CYTH3: variants seen among roughly 807,000 people sequenced by gnomAD.
CYTH3 encodes cytohesin 3.
CYTH3 carries 23 observed loss-of-function variants against 55.1 expected under a neutral mutation model. The ratio of observed to expected loss-of-function variants is 0.42; its 90% CI spans 0.30 to 0.59. The LOEUF (loss-of-function observed/expected upper bound fraction) is 0.59. Among genes scored for constraint, CYTH3 ranks in the 20% least tolerant of loss-of-function variants. The probability of loss-of-function intolerance (pLI) is 0.20; values close to 1 mark genes in which losing one functional copy is unlikely to be tolerated. For missense variants in CYTH3, 413 were observed against 524.8 expected, an observed-to-expected ratio of 0.79 and a Z score of 2.08; for synonymous variants, 249 against 194.9, an observed-to-expected ratio of 1.28 and a Z score of -2.31.
intron 1 of CYTH3, among the ~76,000 whole-genome samples, chr7:6,196,422 T>C (rs993896660): frequency 3.3e-5 from 5 of 151,724 alleles, no homozygotes; most frequent in Admixed American, 6.6e-5. Context: ...CTATTACTCT[T>C]ACGCATCTGA....
chr7:6,254,257 G>A (rs1342460469), intron 1 of CYTH3, among the ~76,000 whole-genome samples: 1 of 151,990 alleles, frequency 6.6e-6, no homozygotes, highest in Non-Finnish European at 1.5e-5. Flanking sequence ...CTTAATTAGA[G>A]CCTAGATAGG....
chr7:6,187,178 G>A, intron 3 of CYTH3, 62 bp from the exon 4 acceptor site: 2 of 1,528,056 alleles, frequency 1.3e-6, no homozygotes, highest in South Asian at 1.1e-5. Context: ...CCCAGTCACG[G>A]CCCTCCAGTG....
At chr7:6,229,423 T>G (rs547878149) in intron 1 of CYTH3, among the ~76,000 whole-genome samples, 1 of 152,062 alleles carries the variant, frequency 6.6e-6, no homozygotes, top group Non-Finnish European at 1.5e-5. Context: ...CAAGCAACAG[T>G]GGTCCACCGC....
intron 1 of CYTH3, among the ~76,000 whole-genome samples, chr7:6,204,700 G>T (rs1784144602): frequency 6.6e-6 from 1 of 152,194 alleles, no homozygotes; most frequent in Admixed American, 6.5e-5. Context: ...GGAGAGCCAA[G>T]CCAGGGCCCA....
At position 6,220,708 on chromosome 7, in the gene CYTH3, A is replaced by G. The variant is rs549011647; in HGVS notation, c.35-30177T>C. The stretch of plus-strand genomic sequence containing the variant: ...TTGGCATTTTCTTATAAAACTAAAC[A>G]TACACAGCCGGGCGCGGTGGCTCAC... On this transcript the variant is annotated intron_variant, in intron 1 of 12. Coordinates refer to ENST00000350796, the MANE Select transcript of CYTH3 (RefSeq NM_004227.4). 2.6e-5 allele frequency among the ~76,000 whole-genome samples: 4 copies of G among 152,168 alleles called. No individual in the cohort carries two copies. In the South Asian group the frequency reaches 8.3e-4, roughly 32 times the overall value.
rs887701278 is a variant in CYTH3 at position 6,244,955 on chromosome 7, ATTTTTTTTTTTTTTTTTTTT to A, written c.34+27499_34+27518del. ...AGTCACCCGCCACCACGCCCGGCTA[ATTTTTTTTTTTTTTTTTTTT>A]TTTTTTTTTTTTTTTTTTGTATTTT... is the stretch of plus-strand genomic sequence containing the variant. On this transcript the variant is annotated intron_variant, in intron 1 of 12. Transcript: ENST00000350796. 2.2e-3 allele frequency among the ~76,000 whole-genome samples: 81 copies of A among 36,454 alleles called. No individual in the cohort carries two copies. In the East Asian group the frequency reaches 0.035, roughly 16 times the overall value. The allele number at this position is 36,454 out of a possible 152,430, so 23.9% of individuals were successfully genotyped here.
chr7:6,214,218 C>T (rs59795548), intron 1 of CYTH3, among the ~76,000 whole-genome samples: 8,589 of 152,092 alleles, frequency 0.056, 670 homozygotes, highest in East Asian at 0.41. Flanking sequence ...AAAGGTTAAT[C>T]GTGGAGCCTA....
At chr7:6,235,049 C>G (rs1779482450) in intron 1 of CYTH3, among the ~76,000 whole-genome samples, 2 of 152,152 alleles carry the variant, frequency 1.3e-5, no homozygotes. Flanking sequence ...CTCACACCCA[C>G]CACTCACTCC....
At position 6,167,376 on chromosome 7, in the gene CYTH3, C is replaced by G. The variant is rs1783041769; in HGVS notation, c.824-1566G>C. Among the ~76,000 whole-genome samples, 1 of 152,158 alleles carries G rather than the reference C, an allele frequency of 6.6e-6. No homozygotes were observed. Among genetic ancestry groups the G allele is most frequent in the African/African-American group, 2.4e-5 (1 of 41,430 alleles). On this transcript the variant is annotated intron_variant, in intron 9 of 12. Coordinates refer to ENST00000350796, the MANE Select transcript of CYTH3 (RefSeq NM_004227.4). The surrounding 1 kb of genome is among the most constrained non-coding windows in gnomAD (Gnocchi z 5.5). ...TAGGGACAGGAGGACAGTGCTGATT[C>G]CTTCCAGGCACTTGCTCCAGCTTGA... is the stretch of plus-strand genomic sequence containing the variant.
intron 1 of CYTH3, among the ~76,000 whole-genome samples, chr7:6,251,583 G>A (rs1425973820): frequency 6.6e-6 from 1 of 152,158 alleles, no homozygotes; most frequent in East Asian, 1.9e-4. Context: ...AATTTGTTCA[G>A]TAGTGCTCAT....
At chr7:6,210,401 A>AC (rs1405668731) in intron 1 of CYTH3, among the ~76,000 whole-genome samples, 3 of 152,232 alleles carry the variant, frequency 2.0e-5, no homozygotes, top group African/African-American at 7.2e-5. Context: ...AGTCCTCTTG[A>AC]AGATGCGACA....
At chr7:6,224,314 G>GT (rs1554252048) in intron 1 of CYTH3, among the ~76,000 whole-genome samples, 2 of 104,978 alleles carry the variant, frequency 1.9e-5, no homozygotes, top group African/African-American at 4.7e-5. Context: ...GCAAAAATAG[G>GT]TAAAAAAAAA....
chr7:6,165,903 T>G (rs1782986567), intron 9 of CYTH3, 93 bp from the exon 10 acceptor site: 2 of 1,291,730 alleles, frequency 1.5e-6, no homozygotes, highest in African/African-American at 2.9e-5. Flanking sequence ...ACCACTGCGT[T>G]TTCAGAAAGG....
rs1780693977 is a variant in CYTH3, at chr7:6,272,512, A to C, written c.-5T>G. On this transcript the variant is annotated 5_prime_UTR_variant, in exon 1 of 13. Transcript: ENST00000350796. Reference sequence around the variant, plus strand: ...GCCGCCGCCGTCTTCATCCATCTTGAGGCCACTCCCGCAGCCGGCGAGCCG... The same window carrying C: ...GCCGCCGCCGTCTTCATCCATCTTGCGGCCACTCCCGCAGCCGGCGAGCCG... 22 of 1,328,092 alleles carry C rather than the reference A, an allele frequency of 1.7e-5. No homozygotes were observed. The highest frequency in any genetic ancestry group is 2.0e-5 in the Non-Finnish European group (21 of 1,026,732). The allele number at this position is 1,328,092 out of a possible 1,614,324, so 82.3% of individuals were successfully genotyped here.
chr7:6,165,423 C>A lies in CYTH3; in HGVS notation c.977G>T (p.Cys326Phe). The change falls in exon 12 of 13, where the codon TGT becomes TTT. Residue 326 changes from cysteine to phenylalanine, a missense_variant. Coordinates refer to ENST00000350796, the MANE Select transcript of CYTH3 (RefSeq NM_004227.4). The stretch of plus-strand genomic sequence containing the variant: ...GTGGCTGGGATTGTAGAGCTCAAAA[C>A]AGTTCTGGTGGAGAAAGAGAGAGGG... ...REVEDPRKPN[C>F]FELYNPSHKG... 2 of 1,612,748 alleles carry A rather than the reference C, an allele frequency of 1.2e-6. No individual in the cohort carries two copies. Among genetic ancestry groups the A allele is most frequent in the Non-Finnish European group, 1.7e-6 (2 of 1,179,260 alleles).
intron 10 of CYTH3, 23 bp downstream of exon 10, chr7:6,165,711 A>C: frequency 1.2e-6 from 2 of 1,613,962 alleles, no homozygotes; most frequent in Non-Finnish European, 1.7e-6. Flanking sequence ...GGGAGGCGGC[A>C]AGGAGGCCTG....
chr7:6,172,472 C>T (rs186348354), intron 6 of CYTH3, among the ~76,000 whole-genome samples: 14 of 152,262 alleles, frequency 9.2e-5, no homozygotes, highest in East Asian at 5.8e-4. Flanking sequence ...CGAGTCAGCC[C>T]GCATGCCTCT....
At chr7:6,198,085 C>T (rs575682814) in intron 1 of CYTH3, among the ~76,000 whole-genome samples, 98 of 121,226 alleles carry the variant, frequency 8.1e-4, no homozygotes, top group African/African-American at 2.8e-3. Context: ...CAGAGTGAGA[C>T]ACTCTTAAGA....
chr7:6,264,598 T>G (rs1780439536), intron 1 of CYTH3, among the ~76,000 whole-genome samples: 1 of 151,994 alleles, frequency 6.6e-6, no homozygotes, highest in Admixed American at 6.6e-5. Context: ...GGTGACAGAG[T>G]GAGACTCCAT....
Sources: allele counts gnomAD v4.1 joint callset (sites outside exome capture counted in the v4.1 genomes callset), GRCh38; gene constraint gnomAD v4.1.1; non-coding constraint Gnocchi (gnomAD v3.1); transcripts MANE v1.5; gene names NCBI Gene and HGNC (gene_info 2026-07-23, HGNC 2026-07-21).